Variants in SNCAIP observed in about 807,000 individuals in gnomAD.
The protein encoded by SNCAIP is synphilin-1.
A neutral mutation model predicts 86.7 loss-of-function variants in SNCAIP; 43 were observed. The observed-to-expected ratio is 0.50, with a 90% CI of 0.39 to 0.64. SNCAIP has a LOEUF of 0.64. Among genes scored for constraint, SNCAIP ranks in the 30% least tolerant of loss-of-function variants. The pLI, the probability that SNCAIP is intolerant of heterozygous loss-of-function variation, is 0.00. For missense variants in SNCAIP, 981 were observed against 1,103.1 expected, an observed-to-expected ratio of 0.89 and a Z score of 1.57; for synonymous variants, 417 against 427.2, an observed-to-expected ratio of 0.98 and a Z score of 0.29.
chr5:122,423,762 T>C (rs1561735215), intron 4 of SNCAIP, 23 bp downstream of exon 4: 2 of 1,585,062 alleles, frequency 1.3e-6, no homozygotes, highest in South Asian at 1.1e-5. Flanking sequence ...TAGTTCAGTA[T>C]ACATGTCAAT....
chr5:122,319,146 G>T lies in SNCAIP; in HGVS notation c.-47+6862G>T, dbSNP rs574461693. 8.6e-5 allele frequency among the ~76,000 whole-genome samples: 13 copies of T among 150,964 alleles called. No individual in the cohort carries two copies. The South Asian group carries it at 1.9e-3, about 22-fold the overall frequency. ...TCTTCCCATTCATCTGTTATTTTTT[G>T]TTGTTGTTGTTTTTATTCTAAGATG... is the stretch of plus-strand genomic sequence containing the variant. On this transcript the variant is annotated intron_variant, in intron 1 of 10. Transcript: ENST00000261368.
intron 3 of SNCAIP, among the ~76,000 whole-genome samples, chr5:122,411,389 G>A (rs909256678): frequency 3.3e-5 from 5 of 152,130 alleles, no homozygotes; most frequent in African/African-American, 1.2e-4. Flanking sequence ...AAGTATGAGT[G>A]TGTGTTGAGG....
At chr5:122,421,793 G>A (rs2152923039) in intron 3 of SNCAIP, among the ~76,000 whole-genome samples, 1 of 152,132 alleles carries the variant, frequency 6.6e-6, no homozygotes, top group Non-Finnish European at 1.5e-5. Context: ...AGTGGCCCAG[G>A]GAGGAAGCAG....
intron 8 of SNCAIP, among the ~76,000 whole-genome samples, chr5:122,448,150 T>C (rs1017187105): frequency 6.6e-6 from 1 of 152,158 alleles, no homozygotes; most frequent in South Asian, 2.1e-4. Context: ...AAGGAGAACA[T>C]TGGGCCAATA....
intron 1 of SNCAIP, among the ~76,000 whole-genome samples, chr5:122,329,599 TC>T (rs1754850330): frequency 1.3e-5 from 2 of 152,216 alleles, no homozygotes; most frequent in South Asian, 4.1e-4. Flanking sequence ...TTGTTAGAAC[TC>T]ACTGAGGAGC....
chr5:122,351,768 G>A (rs1759902502), intron 1 of SNCAIP, among the ~76,000 whole-genome samples: 1 of 152,070 alleles, frequency 6.6e-6, no homozygotes, highest in Admixed American at 6.6e-5. Flanking sequence ...CATCGGGGAA[G>A]GCTGGCTGCT....
At chr5:122,459,594 T>C (rs187050119) in intron 10 of SNCAIP, among the ~76,000 whole-genome samples, 1 of 152,294 alleles carries the variant, frequency 6.6e-6, no homozygotes, top group African/African-American at 2.4e-5. Context: ...CTCAAGTTAA[T>C]ATTTTACTTG....
chr5:122,410,184 A>T (rs1773830576), intron 3 of SNCAIP, among the ~76,000 whole-genome samples: 1 of 152,236 alleles, frequency 6.6e-6, no homozygotes, highest in Non-Finnish European at 1.5e-5. Flanking sequence ...ATTTTTAAAG[A>T]ACTTAACCTT....
At position 122,334,722 on chromosome 5, in the gene SNCAIP, A is replaced by G. The variant is rs1756083018; in HGVS notation, c.-47+22438A>G. Among the ~76,000 whole-genome samples, 4 of 152,242 alleles carry G rather than the reference A, an allele frequency of 2.6e-5. No individual in the cohort carries two copies. The South Asian group carries it at 8.3e-4, about 32-fold the overall frequency. ...TTTTTAAAGACCATTCTACAATTGAAAAATATCTTATTAGAAAATGTGCTA... is the reference window on the plus strand; with the variant it reads ...TTTTTAAAGACCATTCTACAATTGAGAAATATCTTATTAGAAAATGTGCTA... On this transcript the variant is annotated intron_variant, in intron 1 of 10. Coordinates refer to ENST00000261368, the MANE Select transcript of SNCAIP (RefSeq NM_005460.4).
intron 1 of SNCAIP, among the ~76,000 whole-genome samples, chr5:122,365,540 G>A (rs1220427696): frequency 3.9e-5 from 6 of 152,154 alleles, no homozygotes; most frequent in African/African-American, 7.2e-5. Flanking sequence ...TTAGCTGGGC[G>A]TGGTGACGCA....
intron 1 of SNCAIP, among the ~76,000 whole-genome samples, chr5:122,358,104 C>A (rs574242166): frequency 3.3e-5 from 5 of 151,558 alleles, no homozygotes; most frequent in Non-Finnish European, 7.4e-5. Flanking sequence ...TTTAAACCTT[C>A]CATACCCCTA....
chr5:122,327,487 G>A (rs568132479), intron 1 of SNCAIP, among the ~76,000 whole-genome samples: 170 of 152,262 alleles, frequency 1.1e-3, no homozygotes, highest in African/African-American at 3.9e-3. Context: ...GGTAGGAGGT[G>A]ACTGGATCAC....
At position 122,449,838 on chromosome 5, in the gene SNCAIP, T is replaced by TC; in HGVS notation, c.1593-3dup. 1.2e-6 allele frequency: 2 copies of TC among 1,610,250 alleles called. No individual in the cohort carries two copies. The highest frequency in any genetic ancestry group is 1.7e-6 in the Non-Finnish European group (2 of 1,176,478). On this transcript the variant is annotated splice_region_variant and splice_polypyrimidine_tract_variant and intron_variant, in intron 8 of 10. Coordinates refer to ENST00000261368, the MANE Select transcript of SNCAIP (RefSeq NM_005460.4). The stretch of plus-strand genomic sequence containing the variant: ...GAGTCCTCATGTGTTTTGGTTGTTT[T>TC]CCCCAGACAAACAGTAGAACGTGTC...
rs549916625 is a variant in SNCAIP at position 122,354,406 on chromosome 5, T to A, written c.-46-36683T>A. On this transcript the variant is annotated intron_variant, in intron 1 of 10. Coordinates refer to ENST00000261368, the MANE Select transcript of SNCAIP (RefSeq NM_005460.4). ...GAGAGATTTCTTGCGAGTGCTCCTC[T>A]GGGCTTGCAGGCTAGAGTGCCCAAT... is the stretch of plus-strand genomic sequence containing the variant. Among the ~76,000 whole-genome samples, 127 of 152,334 alleles carry A rather than the reference T, an allele frequency of 8.3e-4. 1 individual carries two copies. Among genetic ancestry groups the A allele is most frequent in the African/African-American group, 2.9e-3 (122 of 41,576 alleles).
chr5:122,422,123 C>T (rs1442447622), intron 3 of SNCAIP, among the ~76,000 whole-genome samples: 1 of 151,624 alleles, frequency 6.6e-6, no homozygotes, highest in Non-Finnish European at 1.5e-5. Flanking sequence ...TCCTAAAGAA[C>T]ATGTTCTGTT....
chr5:122,422,045 A>G (rs10477632), intron 3 of SNCAIP, among the ~76,000 whole-genome samples: 26,582 of 147,744 alleles, frequency 0.18, 3,001 homozygotes, highest in Non-Finnish European at 0.26. Context: ...TGCCTGACCC[A>G]TTTTCTTTTC....
At chr5:122,348,463 A>G (rs1257752635) in intron 1 of SNCAIP, among the ~76,000 whole-genome samples, 1 of 152,144 alleles carries the variant, frequency 6.6e-6, no homozygotes, top group Non-Finnish European at 1.5e-5. Context: ...TGATGAAATG[A>G]CTAGTTATAA....
chr5:122,447,440 CT>C (rs1782571805), intron 8 of SNCAIP, among the ~76,000 whole-genome samples: 2 of 152,206 alleles, frequency 1.3e-5, no homozygotes, highest in Admixed American at 1.3e-4. Context: ...AGAGAGTAGT[CT>C]TCCTTCTCCA....
At chr5:122,384,959 C>T (rs1485400417) in intron 1 of SNCAIP, among the ~76,000 whole-genome samples, 2 of 152,276 alleles carry the variant, frequency 1.3e-5, no homozygotes, top group East Asian at 3.9e-4. Flanking sequence ...TCTTTCTGGA[C>T]ATTCTGTTCC....
Sources: allele counts gnomAD v4.1 joint callset (sites outside exome capture counted in the v4.1 genomes callset), GRCh38; gene constraint gnomAD v4.1.1; transcripts MANE v1.5; gene names NCBI Gene and HGNC (gene_info 2026-07-23, HGNC 2026-07-21).